KLHL20: variants seen among roughly 807,000 people sequenced by gnomAD.
The protein encoded by KLHL20 is kelch-like protein 20.
A neutral mutation model predicts 69.5 loss-of-function variants in KLHL20; 29 were observed. The observed-to-expected ratio is 0.42, with a 90% CI of 0.31 to 0.57. The LOEUF (loss-of-function observed/expected upper bound fraction) is 0.57. Among genes scored for constraint, KLHL20 ranks in the 20% least tolerant of loss-of-function variants. The pLI, the probability that KLHL20 is intolerant of heterozygous loss-of-function variation, is 0.18. For missense variants in KLHL20, 419 were observed against 776.0 expected, an observed-to-expected ratio of 0.54 and a Z score of 5.47; for synonymous variants, 253 against 265.2, an observed-to-expected ratio of 0.95 and a Z score of 0.45.
chr1:173,758,978 A>C (rs1054416953), intron 7 of KLHL20, among the ~76,000 whole-genome samples: 3 of 152,170 alleles, frequency 2.0e-5, no homozygotes, highest in African/African-American at 7.2e-5. Context: ...AGCCTGGGGC[A>C]AGCCTGCTGC....
chr1:173,758,142 C>T (rs1041026019), intron 7 of KLHL20, among the ~76,000 whole-genome samples: 9 of 151,764 alleles, frequency 5.9e-5, no homozygotes, highest in African/African-American at 1.9e-4. Flanking sequence ...TAGTGGTGCA[C>T]GCCTGTGAGT....
At position 173,785,516 on chromosome 1, in the gene KLHL20, AAAG is replaced by A. The variant is rs1026975813; in HGVS notation, c.*275_*277del. 4.9e-6 allele frequency: 1 copy of A among 203,550 alleles called. No individual in the cohort carries two copies. Among genetic ancestry groups the A allele is most frequent in the Non-Finnish European group, 9.8e-6 (1 of 102,240 alleles). 12.6% of individuals were successfully genotyped at this position (203,550 alleles called of 1,614,324 possible). ...TTATCCTTCCTCCCACAAAAAAAGAAAAGAAGAAAAAATTCCAAGCAGCAAAAC... is the reference window on the plus strand; with the variant it reads ...TTATCCTTCCTCCCACAAAAAAAGAAAAGAAAAAATTCCAAGCAGCAAAAC... On this transcript the variant is annotated 3_prime_UTR_variant, in exon 12 of 12. Coordinates refer to ENST00000209884, the MANE Select transcript of KLHL20 (RefSeq NM_014458.4).
intron 9 of KLHL20, among the ~76,000 whole-genome samples, 154 bp downstream of exon 9, chr1:173,774,592 C>T (rs1301185494): frequency 1.3e-5 from 2 of 152,192 alleles, no homozygotes; most frequent in African/African-American, 2.4e-5. Context: ...CTCAGCTCTT[C>T]CTCAGCTCCC....
intron 2 of KLHL20, among the ~76,000 whole-genome samples, chr1:173,717,322 T>G (rs575461573): frequency 6.6e-6 from 1 of 152,384 alleles, no homozygotes; most frequent in South Asian, 2.1e-4. Flanking sequence ...CACTCATACC[T>G]GCTCCTTTTT....
intron 3 of KLHL20, among the ~76,000 whole-genome samples, chr1:173,743,533 G>A (rs1343572405): frequency 2.8e-5 from 4 of 144,696 alleles, no homozygotes; most frequent in Non-Finnish European, 4.4e-5. Context: ...GCAAAGTGGT[G>A]ATTTTAAAAA....
At chr1:173,776,688 A>G (rs1348793806) in intron 10 of KLHL20, among the ~76,000 whole-genome samples, 2 of 152,176 alleles carry the variant, frequency 1.3e-5, no homozygotes, top group African/African-American at 4.8e-5. Context: ...CCTTTCCCCA[A>G]TATACGTTCC....
chr1:173,764,214 T>G (rs1647524336), intron 7 of KLHL20, among the ~76,000 whole-genome samples: 1 of 152,032 alleles, frequency 6.6e-6, no homozygotes, highest in Non-Finnish European at 1.5e-5. Flanking sequence ...AATAAAAAAA[T>G]CAAAAACCAG....
At chr1:173,753,711 C>CT (rs1673409510) in intron 5 of KLHL20, among the ~76,000 whole-genome samples, 1 of 152,024 alleles carries the variant, frequency 6.6e-6, no homozygotes, top group Admixed American at 6.6e-5. Flanking sequence ...TAGAATCAGC[C>CT]TTGCTTTCTA....
At chr1:173,741,187 TC>T (rs1329703885) in intron 3 of KLHL20, among the ~76,000 whole-genome samples, 3 of 152,204 alleles carry the variant, frequency 2.0e-5, no homozygotes, top group Non-Finnish European at 2.9e-5. Flanking sequence ...GCAAGCCACT[TC>T]TATCAAAGGA....
intron 10 of KLHL20, among the ~76,000 whole-genome samples, chr1:173,779,629 A>T (rs1248202194): frequency 6.6e-6 from 1 of 152,002 alleles, no homozygotes; most frequent in Non-Finnish European, 1.5e-5. Context: ...GGGATTATAG[A>T]CATAAGCCAC....
chr1:173,784,271 C>G (rs1649067549), intron 11 of KLHL20, among the ~76,000 whole-genome samples: 1 of 152,162 alleles, frequency 6.6e-6, no homozygotes, highest in African/African-American at 2.4e-5. Flanking sequence ...GGAAAGGTAG[C>G]ATTTTAGCAA....
At chr1:173,718,396 T>G (rs1671557413) in intron 2 of KLHL20, among the ~76,000 whole-genome samples, 1 of 151,686 alleles carries the variant, frequency 6.6e-6, no homozygotes, top group Non-Finnish European at 1.5e-5. Context: ...CAAGAAAAAT[T>G]TAGCCAAGTG....
intron 10 of KLHL20, among the ~76,000 whole-genome samples, chr1:173,779,033 A>T (rs1362148352): frequency 6.6e-6 from 1 of 151,440 alleles, no homozygotes; most frequent in African/African-American, 2.4e-5. Context: ...ATGCATTGTT[A>T]TGTTATTTGA....
rs778266995 is a variant in KLHL20 at position 173,734,233 on chromosome 1, T to C, written c.544T>C (p.Cys182Arg). Reference sequence around the variant, plus strand: ...TCGGGCTTTTGCTGACACACATTCATGTCGTGAGTTGCTAAGGATAGCAGA... The same window carrying C: ...TCGGGCTTTTGCTGACACACATTCACGTCGTGAGTTGCTAAGGATAGCAGA... ...GIRAFADTHS[C>R]RELLRIADKF... The change falls in exon 3 of 12, where the codon TGT (cysteine) becomes CGT (arginine). Residue 182 changes from cysteine to arginine, a missense_variant. By Grantham distance (180) the Cys-to-Arg change is radical. Coordinates refer to ENST00000209884, the MANE Select transcript of KLHL20 (RefSeq NM_014458.4). The C allele has an allele frequency of 6.2e-7, 1 of 1,614,208 alleles. No individual in the cohort carries two copies. Among genetic ancestry groups the C allele is most frequent in the Non-Finnish European group, 8.5e-7 (1 of 1,180,040 alleles).
In KLHL20 at chr1:173,785,946, C is replaced by A. The variant is rs1183206041; in HGVS notation, c.*699C>A. ...TATTCTCATAGAGTTTCTGCTAGAT[C>A]TAGAGCTCTGCTCAGTGCCTCTTAT... On this transcript the variant is annotated 3_prime_UTR_variant, in exon 12 of 12. Coordinates refer to ENST00000209884, the MANE Select transcript of KLHL20 (RefSeq NM_014458.4). 1.3e-5 allele frequency: 2 copies of A among 152,082 alleles called. No homozygotes were observed. Among genetic ancestry groups the A allele is most frequent in the African/African-American group, 4.8e-5 (2 of 41,402 alleles). 9.4% of individuals were successfully genotyped at this position (152,082 alleles called of 1,614,324 possible). A position where few individuals can be genotyped will look rare whatever the true frequency, so the allele number is the denominator to read the frequency against.
chr1:173,733,645 C>A, intron 2 of KLHL20, 68 bp from the exon 3 acceptor site: 2 of 1,281,850 alleles, frequency 1.6e-6, no homozygotes, highest in Non-Finnish European at 2.2e-6. Context: ...GAATTACAAA[C>A]ATTTAAGGGG....
intron 2 of KLHL20, among the ~76,000 whole-genome samples, chr1:173,721,735 G>A (rs1445023134): frequency 6.6e-6 from 1 of 152,210 alleles, no homozygotes; most frequent in South Asian, 2.1e-4. Context: ...TGGCCTTCTG[G>A]TGTGGAATCA....
At chr1:173,750,107 A>C (rs543222618) in intron 3 of KLHL20, among the ~76,000 whole-genome samples, 1 of 152,300 alleles carries the variant, frequency 6.6e-6, no homozygotes, top group African/African-American at 2.4e-5. Flanking sequence ...AAATTACCTA[A>C]GCAACCTCAG....
intron 3 of KLHL20, among the ~76,000 whole-genome samples, chr1:173,745,719 T>A (rs537236944): frequency 6.6e-6 from 1 of 152,328 alleles, no homozygotes; most frequent in East Asian, 1.9e-4. Flanking sequence ...TTTGTCTAGT[T>A]GCTTGATAAC....
Sources: gnomAD v4.1 joint callset for allele counts (sites outside exome capture counted in the v4.1 genomes callset) on GRCh38, gnomAD v4.1.1 for gene constraint, MANE v1.5 for transcripts, NCBI Gene and HGNC (gene_info 2026-07-23, HGNC 2026-07-21) for gene names.